ASIC2: variants seen among roughly 807,000 people sequenced by gnomAD.
ASIC2 encodes the protein acid sensing ion channel subunit 2, also known as acid-sensing ion channel 2.
In ASIC2, 25 loss-of-function variants were observed where a neutral mutation model predicts 57.3. That is an observed-to-expected ratio of 0.44 (90% confidence interval 0.32 to 0.61). The LOEUF is 0.61. Among genes scored for constraint, ASIC2 ranks in the 20% least tolerant of loss-of-function variants. The pLI is 0.06. For missense variants in ASIC2, 641 were observed against 738.1 expected, an observed-to-expected ratio of 0.87 and a Z score of 1.52; for synonymous variants, 319 against 307.5, an observed-to-expected ratio of 1.04 and a Z score of -0.39.
At chr17:33,365,447 C>T (rs1908772339) in intron 1 of ASIC2, among the ~76,000 whole-genome samples, 1 of 151,912 alleles carries the variant, frequency 6.6e-6, no homozygotes, top group South Asian at 2.1e-4. Context: ...TTAGGTTATA[C>T]TTGCTGAATG....
intron 1 of ASIC2, among the ~76,000 whole-genome samples, chr17:34,043,497 T>C (rs1478118531): frequency 6.6e-6 from 1 of 152,186 alleles, no homozygotes; most frequent in Non-Finnish European, 1.5e-5. Flanking sequence ...TTTCTATTCC[T>C]ACAATGCAAA....
chr17:33,438,442 C>T (rs919706601), intron 1 of ASIC2, among the ~76,000 whole-genome samples: 1 of 152,174 alleles, frequency 6.6e-6, no homozygotes, highest in Non-Finnish European at 1.5e-5. Context: ...TTCACACTCT[C>T]CAGGACCAAC....
At chr17:33,830,937 C>T (rs546988097) in intron 1 of ASIC2, among the ~76,000 whole-genome samples, 43 of 151,462 alleles carry the variant, frequency 2.8e-4, no homozygotes, top group African/African-American at 9.9e-4. Context: ...ATGGTAAAAC[C>T]CCATCTCTAC....
intron 1 of ASIC2, among the ~76,000 whole-genome samples, chr17:34,040,071 C>T (rs1311589430): frequency 1.4e-5 from 2 of 144,214 alleles, no homozygotes; most frequent in East Asian, 4.2e-4. Context: ...GGAGGGGGGG[C>T]ACGAAGGCCG....
intron 1 of ASIC2, among the ~76,000 whole-genome samples, chr17:33,862,428 A>G (rs933651222): frequency 2.6e-5 from 4 of 152,124 alleles, no homozygotes; most frequent in African/African-American, 4.8e-5. Flanking sequence ...TTGACACATA[A>G]TAATTATATA....
chr17:33,496,732 C>T (rs904074634), intron 1 of ASIC2, among the ~76,000 whole-genome samples: 3 of 148,352 alleles, frequency 2.0e-5, no homozygotes, highest in African/African-American at 7.5e-5. Flanking sequence ...ATTCTCATAC[C>T]TCAGCTCCCC....
intron 1 of ASIC2, among the ~76,000 whole-genome samples, chr17:33,812,002 A>T (rs192983763): frequency 1.2e-4 from 19 of 152,274 alleles, no homozygotes; most frequent in Non-Finnish European, 2.1e-4. Context: ...TGAATATTAG[A>T]TGTCCCTTTT....
chr17:33,367,311 C>A (rs373883713), intron 1 of ASIC2, among the ~76,000 whole-genome samples: 1 of 152,218 alleles, frequency 6.6e-6, no homozygotes, highest in Non-Finnish European at 1.5e-5. Flanking sequence ...CTAAACTCCA[C>A]GAACTCCCTT....
chr17:33,204,848 A>C (rs1273063047), intron 1 of ASIC2, among the ~76,000 whole-genome samples: 4 of 152,212 alleles, frequency 2.6e-5, no homozygotes, highest in Non-Finnish European at 5.9e-5. Flanking sequence ...GAAGAGACAG[A>C]AGGGCCATGA....
intron 1 of ASIC2, among the ~76,000 whole-genome samples, chr17:33,402,708 T>C (rs1910326462): frequency 6.6e-6 from 1 of 152,210 alleles, no homozygotes; most frequent in African/African-American, 2.4e-5. Flanking sequence ...TTGAGTTGAT[T>C]CCCTGTCTTT....
intron 3 of ASIC2, among the ~76,000 whole-genome samples, chr17:33,082,591 C>T (rs1187811676): frequency 6.6e-5 from 10 of 152,038 alleles, no homozygotes; most frequent in African/African-American, 2.4e-4. Flanking sequence ...TCCAGCTATT[C>T]CAGAGGCTGA....
chr17:34,095,661 A>ATATATATATATATATATATATATAATTT (rs1567818967), intron 1 of ASIC2, among the ~76,000 whole-genome samples: 1 of 100,170 alleles, frequency 1.0e-5, no homozygotes, highest in African/African-American at 4.6e-5. Context: ...ATATAATTTT[A>ATATATATATATATATATATATATAATTT]TATATATATA....
intron 1 of ASIC2, among the ~76,000 whole-genome samples, chr17:33,354,668 T>C (rs1458286905): frequency 6.6e-6 from 1 of 152,076 alleles, no homozygotes; most frequent in Non-Finnish European, 1.5e-5. Flanking sequence ...TTTCTTCAGC[T>C]TTCCCAGGGA....
intron 1 of ASIC2, among the ~76,000 whole-genome samples, chr17:33,868,182 T>C (rs1914293386): frequency 1.1e-5 from 1 of 87,276 alleles, no homozygotes; most frequent in African/African-American, 3.5e-5. Context: ...AACAAATGTA[T>C]GTGTGTGTGT....
In ASIC2 at chr17:33,217,553, C is replaced by T. The variant is rs79242722; in HGVS notation, c.708+73855G>A. 1.1e-3 allele frequency among the ~76,000 whole-genome samples: 167 copies of T among 152,232 alleles called. 2 individuals carry two copies. The East Asian group carries it at 0.022, about 20-fold the overall frequency. On this transcript the variant is annotated intron_variant, in intron 1 of 9. Coordinates refer to ENST00000225823, the MANE Select transcript of ASIC2 (RefSeq NM_183377.2). ...GCCCTTTCCCATAGGCTGTGCTGAA[C>T]GCCTTTAAACATTCTGTGTCCACCA...
intron 1 of ASIC2, among the ~76,000 whole-genome samples, chr17:33,706,470 C>T (rs1908867400): frequency 1.3e-5 from 2 of 151,890 alleles, no homozygotes; most frequent in Admixed American, 1.3e-4. Context: ...GCAATCCACC[C>T]ACCTTCACCT....
intron 1 of ASIC2, among the ~76,000 whole-genome samples, chr17:33,198,285 C>T (rs1906718317): frequency 6.6e-6 from 1 of 152,154 alleles, no homozygotes; most frequent in Non-Finnish European, 1.5e-5. Flanking sequence ...TCGGGAGGTC[C>T]AGACTGCAGG....
intron 1 of ASIC2, among the ~76,000 whole-genome samples, chr17:34,042,107 C>A (rs1462389674): frequency 6.6e-6 from 1 of 152,180 alleles, no homozygotes; most frequent in African/African-American, 2.4e-5. Context: ...GCACTATAAT[C>A]CTCATATGCT....
intron 1 of ASIC2, among the ~76,000 whole-genome samples, chr17:33,737,958 AT>A (rs1284342335): frequency 1.4e-4 from 21 of 152,364 alleles, no homozygotes; most frequent in African/African-American, 5.1e-4. Flanking sequence ...AAACAAAAAA[AT>A]AAATAAATAA....
Sources: gnomAD v4.1 joint callset for allele counts (sites outside exome capture counted in the v4.1 genomes callset) on GRCh38, gnomAD v4.1.1 for gene constraint, MANE v1.5 for transcripts, NCBI Gene and HGNC (gene_info 2026-07-23, HGNC 2026-07-21) for gene names.